The following VAV1 variants were observed in gnomAD, a reference collection of about 807,000 sequenced individuals.
VAV1 encodes proto-oncogene vav.
In VAV1, 33 loss-of-function variants were observed where a neutral mutation model predicts 128.1. The ratio of observed to expected loss-of-function variants is 0.26; its 90% confidence interval spans 0.20 to 0.34. The LOEUF (loss-of-function observed/expected upper bound fraction) is 0.34, where lower values mean the gene tolerates loss of function less well. Ranked by LOEUF, VAV1 falls within the 10% of genes least tolerant of loss-of-function variation. VAV1 has a pLI of 1.00. For synonymous variants in VAV1, 394 were observed against 409.8 expected, an observed-to-expected ratio of 0.96 and a Z score of 0.47; for missense variants, 715 against 1,093.7, an observed-to-expected ratio of 0.65 and a Z score of 4.88.
chr19:6,856,730 G>GAAAAAAAAAAAAAAAA (rs1222535432), intron 26 of VAV1, among the ~76,000 whole-genome samples: 1 of 68,852 alleles, frequency 1.5e-5, no homozygotes, highest in African/African-American at 5.0e-5. Flanking sequence ...TCTCAAAAAA[G>GAAAAAAAAAAAAAAAA]AAAAAAAAAA....
At chr19:6,807,989 C>CAAAAAAA (rs980612666) in intron 1 of VAV1, among the ~76,000 whole-genome samples, 3 of 52,264 alleles carry the variant, frequency 5.7e-5, no homozygotes, top group Admixed American at 2.1e-4. Context: ...GACTCTGTCT[C>CAAAAAAA]AAAAAAAAAA....
At chr19:6,797,725 C>T (rs1280393900) in intron 1 of VAV1, among the ~76,000 whole-genome samples, 2 of 93,574 alleles carry the variant, frequency 2.1e-5, no homozygotes, top group Non-Finnish European at 4.2e-5. Flanking sequence ...GCCTGGGCAA[C>T]AAGAGTGAAA....
intron 1 of VAV1, among the ~76,000 whole-genome samples, chr19:6,779,882 C>T (rs866176902): frequency 1.2e-4 from 18 of 149,466 alleles, no homozygotes; most frequent in Middle Eastern, 3.4e-3. Flanking sequence ...GAGGCCGAGG[C>T]GGGCGGATCA....
intron 1 of VAV1, among the ~76,000 whole-genome samples, chr19:6,781,360 G>A (rs1252063871): frequency 6.6e-6 from 1 of 152,176 alleles, no homozygotes; most frequent in Non-Finnish European, 1.5e-5. Context: ...CATGCCAGAG[G>A]ACTGGCTTCT....
In VAV1 at chr19:6,833,581, A is replaced by G. The variant is rs1373911353; in HGVS notation, c.1664A>G (p.Lys555Arg). 1 of 1,613,596 alleles carries G rather than the reference A, an allele frequency of 6.2e-7. No individual in the cohort carries two copies. Residue 555 changes from lysine to arginine, a missense_variant, in exon 17 of 27, where the codon AAG becomes AGG. Coordinates refer to ENST00000602142, the MANE Select transcript of VAV1 (RefSeq NM_005428.4). ...RCHRCRASAHKECLGRVPPCG... is the reference protein window; with the variant it reads ...RCHRCRASAHRECLGRVPPCG... ...CATCGGTGCCGGGCATCTGCACACA[A>G]GGAGTGTCTGGGGAGGGTCCCTCCA...
intron 1 of VAV1, among the ~76,000 whole-genome samples, chr19:6,809,517 C>A (rs1219967639): frequency 6.6e-6 from 1 of 152,120 alleles, no homozygotes; most frequent in Admixed American, 6.6e-5. Context: ...GCAACCACTT[C>A]CACCTGGCTG....
At chr19:6,814,671 C>CCTTCCTTCCTTCCTTCCTTT in intron 1 of VAV1, among the ~76,000 whole-genome samples, 2 of 25,794 alleles carry the variant, frequency 7.8e-5, no homozygotes, top group African/African-American at 1.6e-4. Context: ...TTCCTTCCTT[C>CCTTCCTTCCTTCCTTCCTTT]CTTTCTTTCT....
intron 1 of VAV1, among the ~76,000 whole-genome samples, chr19:6,806,671 C>T (rs1971404468): frequency 6.6e-6 from 1 of 152,160 alleles, no homozygotes; most frequent in South Asian, 2.1e-4. Context: ...GGGATTTGCA[C>T]TCTCTCATTG....
In VAV1 at chr19:6,853,117, C is replaced by T. The variant is rs532015722; in HGVS notation, c.2332+38C>T. 63 of 1,593,362 alleles carry T rather than the reference C, an allele frequency of 4.0e-5. 3 individuals carry two copies. The South Asian group carries it at 5.3e-4, about 13-fold the overall frequency. ...AGACTGGGGGCTTACAGCCTCAGCC[C>T]CTTCCCATTGTGGAGGGAAACTTTG... On this transcript the variant is annotated intron_variant, in intron 25 of 26. Transcript: ENST00000602142.
chr19:6,823,586 C>G (rs1341970905), intron 6 of VAV1, among the ~76,000 whole-genome samples: 1 of 150,972 alleles, frequency 6.6e-6, no homozygotes, highest in African/African-American at 2.4e-5. Context: ...TCCTGTAATC[C>G]AAGCCCTTTG....
In VAV1 at chr19:6,822,871, CAT is replaced by C. The variant is rs1002272019; in HGVS notation, c.654+361_654+362del. On this transcript the variant is annotated intron_variant, in intron 6 of 26. Transcript: ENST00000602142. The surrounding 1 kb of genome is among the most constrained non-coding windows in gnomAD (Gnocchi z 5.9). ...TACAAAGTATATATAAAAATATAAA[CAT>C]ATAATATGTATAAAATATAAACATG... is the stretch of plus-strand genomic sequence containing the variant. 9.0e-5 allele frequency among the ~76,000 whole-genome samples: 13 copies of C among 144,760 alleles called. No homozygotes were observed. The highest frequency in any genetic ancestry group is 4.0e-4 in the East Asian group (2 of 5,024). 95.0% of individuals were successfully genotyped at this position (144,760 alleles called of 152,430 possible). A position where few individuals can be genotyped will look rare whatever the true frequency, so the allele number is the denominator to read the frequency against.
At chr19:6,774,889 C>T (rs566555708) in intron 1 of VAV1, among the ~76,000 whole-genome samples, 2 of 151,106 alleles carry the variant, frequency 1.3e-5, no homozygotes, top group East Asian at 1.9e-4. Context: ...CAAGTAGCTG[C>T]GACTACAGGC....
intron 1 of VAV1, among the ~76,000 whole-genome samples, chr19:6,784,840 G>A (rs779904890): frequency 2.0e-5 from 3 of 152,044 alleles, no homozygotes; most frequent in Non-Finnish European, 4.4e-5. Context: ...CCAGTGCTGG[G>A]AAATGTCACC....
At chr19:6,803,614 G>C (rs1971319906) in intron 1 of VAV1, among the ~76,000 whole-genome samples, 1 of 152,162 alleles carries the variant, frequency 6.6e-6, no homozygotes, top group Non-Finnish European at 1.5e-5. Flanking sequence ...GTCCAGGCTA[G>C]AGTGCAATGG....
chr19:6,843,415 G>A (rs756366518), intron 22 of VAV1, among the ~76,000 whole-genome samples: 1 of 152,142 alleles, frequency 6.6e-6, no homozygotes, highest in Non-Finnish European at 1.5e-5. Context: ...TGACAATGAT[G>A]ATGATGATAA....
Position 6,828,409 on chromosome 19 carries a change from G to T in VAV1, c.1024-10G>T. On this transcript the variant is annotated splice_polypyrimidine_tract_variant and intron_variant, in intron 10 of 26. Coordinates refer to ENST00000602142, the MANE Select transcript of VAV1 (RefSeq NM_005428.4). This position sits in a 1 kb window ranked among gnomAD's most constrained non-coding sequence, Gnocchi z 4.5. ...GGCCCAGGTGACGTCTGACGTCTTG[G>T]TTCTCTCAGGAGCTGGTGAAACACA... is the stretch of plus-strand genomic sequence containing the variant. The T allele has an allele frequency of 6.2e-7, 1 of 1,614,120 alleles. No individual in the cohort carries two copies. Among genetic ancestry groups the T allele is most frequent in the South Asian group, 1.1e-5 (1 of 91,080 alleles).
At chr19:6,810,726 A>T (rs981420044) in intron 1 of VAV1, among the ~76,000 whole-genome samples, 1 of 152,026 alleles carries the variant, frequency 6.6e-6, no homozygotes, top group Non-Finnish European at 1.5e-5. Flanking sequence ...AATTACTCTA[A>T]GTTGATTCTG....
chr19:6,819,947 C>A (rs1057146732), intron 1 of VAV1, among the ~76,000 whole-genome samples: 1 of 152,180 alleles, frequency 6.6e-6, no homozygotes, highest in Non-Finnish European at 1.5e-5. Context: ...TAGTTAATAT[C>A]TTTTGGTTGC....
At chr19:6,784,100 A>T (rs1933605306) in intron 1 of VAV1, 1 of 424,344 alleles carries the variant, frequency 2.4e-6, no homozygotes, top group South Asian at 7.5e-5. Flanking sequence ...CAAAAAATAA[A>T]AAAATAAGCC....
Sources: allele counts gnomAD v4.1 joint callset (sites outside exome capture counted in the v4.1 genomes callset), GRCh38; gene constraint gnomAD v4.1.1; non-coding constraint Gnocchi (gnomAD v3.1); transcripts MANE v1.5; gene names NCBI Gene and HGNC (gene_info 2026-07-23, HGNC 2026-07-21).